The following CHST9 variants were observed in gnomAD, a reference collection of about 807,000 sequenced individuals.
The protein encoded by CHST9 is carbohydrate sulfotransferase 9, also known as GalNAc-4-sulfotransferase 2.
CHST9 carries 41 observed loss-of-function variants against 44.4 expected under a neutral mutation model. The observed-to-expected ratio is 0.92, with a 90% confidence interval of 0.72 to 1.20. The LOEUF is 1.20. Among genes scored for constraint, CHST9 ranks in the 50% most tolerant of loss-of-function variants. The pLI, the probability that CHST9 is intolerant of heterozygous loss-of-function variation, is 0.00. For missense variants in CHST9, 504 were observed against 516.5 expected (o/e 0.98, Z 0.23); for synonymous variants, 171 against 178.4 (o/e 0.96, Z 0.33).
At chr18:27,029,426 G>A (rs936589836) in intron 3 of CHST9, among the ~76,000 whole-genome samples, 3 of 152,090 alleles carry the variant, frequency 2.0e-5, no homozygotes, top group Non-Finnish European at 4.4e-5. Flanking sequence ...AACCCATGAT[G>A]CAATGGTCCC....
At chr18:27,117,503 T>C (rs2058337438) in intron 2 of CHST9, among the ~76,000 whole-genome samples, 1 of 152,172 alleles carries the variant, frequency 6.6e-6, no homozygotes, top group South Asian at 2.1e-4. Flanking sequence ...GTATCTTACA[T>C]AGTAGTTTCA....
chr18:27,177,901 T>A (rs1030558562), intron 1 of CHST9, among the ~76,000 whole-genome samples: 1 of 152,034 alleles, frequency 6.6e-6, no homozygotes, highest in Admixed American at 6.6e-5. Flanking sequence ...CCAATAAAAT[T>A]TCACTGCCTA....
rs567563064 is a variant in CHST9 at position 26,913,588 on chromosome 18, A to G, written c.*2671T>C. On this transcript the variant is annotated 3_prime_UTR_variant, in exon 6 of 6. Coordinates refer to ENST00000618847, the MANE Select transcript of CHST9 (RefSeq NM_031422.6). ...TGCCCATTGTGTTACTGCTGCCTAT[A>G]AAAACAAATAGGATCCTTAGGGTTT... 1 of 152,254 alleles carries G rather than the reference A, an allele frequency of 6.6e-6. No individual in the cohort carries two copies. The highest frequency in any genetic ancestry group is 2.1e-4 in the South Asian group (1 of 4,832). The allele number at this position is 152,254 out of a possible 1,614,324, so 9.4% of individuals were successfully genotyped here.
chr18:26,977,384 G>C (rs1283516985), intron 4 of CHST9, among the ~76,000 whole-genome samples: 3 of 145,500 alleles, frequency 2.1e-5, no homozygotes, highest in Non-Finnish European at 4.5e-5. Flanking sequence ...TGAGCTTAAA[G>C]TTGGCTGCAG....
At chr18:27,139,590 T>C (rs1186041066) in intron 2 of CHST9, among the ~76,000 whole-genome samples, 2 of 152,064 alleles carry the variant, frequency 1.3e-5, no homozygotes, top group Non-Finnish European at 2.9e-5. Context: ...AGGCAGAACT[T>C]CAGATGGAAG....
chr18:27,089,496 G>A (rs1034361050), intron 2 of CHST9, among the ~76,000 whole-genome samples: 16 of 152,182 alleles, frequency 1.1e-4, no homozygotes, highest in African/African-American at 1.7e-4. Flanking sequence ...ATAGTATTCC[G>A]TGGTGTATAT....
At chr18:27,083,232 C>T (rs2057977754) in intron 2 of CHST9, among the ~76,000 whole-genome samples, 1 of 152,092 alleles carries the variant, frequency 6.6e-6, no homozygotes, top group South Asian at 2.1e-4. Context: ...ATGCAGCGTT[C>T]TTTCTAATTA....
intron 2 of CHST9, among the ~76,000 whole-genome samples, chr18:27,053,261 G>GTA (rs748644707): frequency 1.7e-5 from 1 of 59,806 alleles, no homozygotes; most frequent in Admixed American, 1.9e-4. Flanking sequence ...AGAAGAAGAA[G>GTA]GAGAAGGAGA....
chr18:26,983,376 G>C (rs576944074), intron 4 of CHST9, among the ~76,000 whole-genome samples: 1 of 152,136 alleles, frequency 6.6e-6, no homozygotes, highest in Admixed American at 6.5e-5. Context: ...TCATGGCTTG[G>C]TGCTGTCCTT....
At chr18:26,952,015 T>C (rs2056254640) in intron 4 of CHST9, among the ~76,000 whole-genome samples, 1 of 152,182 alleles carries the variant, frequency 6.6e-6, no homozygotes, top group Non-Finnish European at 1.5e-5. Context: ...TCATATTACA[T>C]GACACTCTCT....
At chr18:27,150,094 G>T (rs1246354405) in intron 1 of CHST9, among the ~76,000 whole-genome samples, 1 of 150,290 alleles carries the variant, frequency 6.7e-6, no homozygotes, top group Admixed American at 6.7e-5. Context: ...TTAGTGAAAG[G>T]CTTTTTGATT....
intron 5 of CHST9, among the ~76,000 whole-genome samples, chr18:26,919,949 A>G (rs1475682885): frequency 6.6e-6 from 1 of 152,168 alleles, no homozygotes; most frequent in Non-Finnish European, 1.5e-5. Context: ...GGCTGCTTCC[A>G]GGACATCACC....
At chr18:27,043,433 C>G (rs2057466879) in intron 3 of CHST9, among the ~76,000 whole-genome samples, 2 of 151,940 alleles carry the variant, frequency 1.3e-5, no homozygotes, top group Admixed American at 6.6e-5. Context: ...TTTTCTCCAC[C>G]AAACTTGTCT....
At chr18:27,029,918 TC>T (rs1445079476) in intron 3 of CHST9, among the ~76,000 whole-genome samples, 1 of 152,214 alleles carries the variant, frequency 6.6e-6, no homozygotes, top group East Asian at 1.9e-4. Flanking sequence ...TTCCATCAAG[TC>T]CTTCTTTAGG....
chr18:27,143,914 C>T (rs1486226795), intron 1 of CHST9, among the ~76,000 whole-genome samples: 1 of 152,096 alleles, frequency 6.6e-6, no homozygotes, highest in Non-Finnish European at 1.5e-5. Context: ...ACCTATGTAA[C>T]AAACCTGCAC....
chr18:27,046,001 G>A (rs186545580), intron 3 of CHST9, among the ~76,000 whole-genome samples: 2 of 151,974 alleles, frequency 1.3e-5, no homozygotes, highest in East Asian at 1.9e-4. Flanking sequence ...CTTAAGTTTT[G>A]TTGACCACCA....
intron 1 of CHST9, among the ~76,000 whole-genome samples, chr18:27,167,611 G>T (rs1276467018): frequency 6.6e-6 from 1 of 152,176 alleles, no homozygotes; most frequent in East Asian, 1.9e-4. Flanking sequence ...TAGGTATTGG[G>T]ATACAAAGGT....
chr18:27,081,336 C>T (rs2057958849), intron 2 of CHST9, among the ~76,000 whole-genome samples: 1 of 151,950 alleles, frequency 6.6e-6, no homozygotes, highest in South Asian at 2.1e-4. Context: ...GAGTGAGACC[C>T]TGACTCAAAA....
intron 2 of CHST9, among the ~76,000 whole-genome samples, chr18:27,075,991 T>G (rs1415326666): frequency 1.3e-5 from 2 of 152,192 alleles, no homozygotes; most frequent in African/African-American, 2.4e-5. Flanking sequence ...GAAACCCGAG[T>G]AGCCATTGGA....
Sources: allele counts gnomAD v4.1 joint callset (sites outside exome capture counted in the v4.1 genomes callset), GRCh38; gene constraint gnomAD v4.1.1; transcripts MANE v1.5; gene names NCBI Gene and HGNC (gene_info 2026-07-23, HGNC 2026-07-21).